The following NBAS variants were observed in gnomAD, a reference collection of about 807,000 sequenced individuals.
The protein encoded by NBAS is NBAS subunit of NRZ tethering complex.
In NBAS, 219 loss-of-function variants were observed where a neutral mutation model predicts 302.5. The ratio of observed to expected loss-of-function variants is 0.72; its 90% CI spans 0.65 to 0.81. The LOEUF (loss-of-function observed/expected upper bound fraction) is 0.81. Ranked by LOEUF, NBAS falls within the 30% of genes least tolerant of loss-of-function variation. NBAS has a pLI of 0.00. For missense variants in NBAS, 2,932 were observed against 2,841.6 expected (o/e 1.03, Z -0.72); for synonymous variants, 1,118 against 1,021.6 (o/e 1.09, Z -1.80).
At chr2:14,982,977 C>A in the NBAS span, among the ~76,000 whole-genome samples, 2 of 152,042 alleles carry the variant, frequency 1.3e-5, no homozygotes. Flanking sequence ...GAACCAGGTA[C>A]GGGAGGAGTA....
At chr2:14,880,271 T>A in the NBAS span, among the ~76,000 whole-genome samples, 1 of 152,108 alleles carries the variant, frequency 6.6e-6, no homozygotes, top group Non-Finnish European at 1.5e-5. Context: ...CTAAGACCTT[T>A]TAGGATGAAC....
At chr2:15,247,460 G>C (rs1242615049) in intron 44 of NBAS, among the ~76,000 whole-genome samples, 2 of 152,188 alleles carry the variant, frequency 1.3e-5, no homozygotes, top group South Asian at 4.2e-4. Context: ...TGAAAGTCAA[G>C]AGCCATCGGT....
At chr2:15,194,945 G>A (rs1665547329) in intron 48 of NBAS, among the ~76,000 whole-genome samples, 1 of 151,986 alleles carries the variant, frequency 6.6e-6, no homozygotes, top group African/African-American at 2.4e-5. Context: ...TGTCTATATA[G>A]AAAATTCAAA....
chr2:15,393,033 G>T (rs1028248587), intron 28 of NBAS, among the ~76,000 whole-genome samples: 1 of 151,822 alleles, frequency 6.6e-6, no homozygotes, highest in Non-Finnish European at 1.5e-5. Flanking sequence ...TTTAACAAAT[G>T]GTGAGGAATA....
intron 44 of NBAS, among the ~76,000 whole-genome samples, chr2:15,272,520 A>G (rs1428483941): frequency 1.3e-5 from 2 of 152,098 alleles, no homozygotes. Context: ...TCAAACATGC[A>G]TTTTTTCCAA....
chr2:15,554,222 G>T, intron 3 of NBAS, 84 bp from the exon 4 acceptor site: 2 of 1,102,460 alleles, frequency 1.8e-6, no homozygotes, highest in African/African-American at 1.6e-5. Flanking sequence ...TACTTATAGA[G>T]AGAGACACAG....
At chr2:14,783,084 T>G in the NBAS span, among the ~76,000 whole-genome samples, 1 of 151,982 alleles carries the variant, frequency 6.6e-6, no homozygotes, top group African/African-American at 2.4e-5. Context: ...ATAACAAACC[T>G]GCACATGTAC....
intron 48 of NBAS, among the ~76,000 whole-genome samples, chr2:15,209,993 A>T (rs1271649870): frequency 2.0e-5 from 3 of 152,178 alleles, no homozygotes; most frequent in Non-Finnish European, 2.9e-5. Context: ...TTAAAGACTT[A>T]ACTCTAAGAC....
intron 40 of NBAS, among the ~76,000 whole-genome samples, chr2:15,306,549 A>T (rs1671041465): frequency 6.6e-6 from 1 of 152,194 alleles, no homozygotes; most frequent in African/African-American, 2.4e-5. Context: ...CCTAGTTCTT[A>T]GATATGATTT....
At chr2:14,904,183 T>C in the NBAS span, among the ~76,000 whole-genome samples, 1 of 152,180 alleles carries the variant, frequency 6.6e-6, no homozygotes, top group Admixed American at 6.5e-5. Context: ...TAAATGTACA[T>C]ATGAAAGGGA....
intron 32 of NBAS, among the ~76,000 whole-genome samples, chr2:15,360,341 A>C (rs77316143): frequency 0.046 from 5,550 of 120,786 alleles, 180 homozygotes; most frequent in Middle Eastern, 0.1. Context: ...AAAAAAAAAA[A>C]AAAAACAAAA....
chr2:15,331,789 T>C (rs1672364462), intron 35 of NBAS, among the ~76,000 whole-genome samples: 1 of 152,218 alleles, frequency 6.6e-6, no homozygotes, highest in Non-Finnish European at 1.5e-5. Context: ...ATGATAGCCA[T>C]ATCCTAATCC....
At chr2:15,221,284 G>C (rs906663002) in intron 47 of NBAS, among the ~76,000 whole-genome samples, 12 of 152,114 alleles carry the variant, frequency 7.9e-5, no homozygotes, top group African/African-American at 2.9e-4. Context: ...ATCCTTCCCA[G>C]GTTATACTGA....
At chr2:14,844,663 G>A in the NBAS span, among the ~76,000 whole-genome samples, 1 of 152,124 alleles carries the variant, frequency 6.6e-6, no homozygotes, top group Non-Finnish European at 1.5e-5. Flanking sequence ...GGGTCAGATG[G>A]GAGCCCACTG....
At chr2:15,310,504 C>T (rs1572633448) in intron 38 of NBAS, among the ~76,000 whole-genome samples, 1 of 152,204 alleles carries the variant, frequency 6.6e-6, no homozygotes, top group East Asian at 1.9e-4. Context: ...TCAACAAGAA[C>T]CTTCTTTGAA....
chr2:15,311,523 A>G (rs1002569639), intron 38 of NBAS, among the ~76,000 whole-genome samples: 1 of 152,232 alleles, frequency 6.6e-6, no homozygotes, highest in African/African-American at 2.4e-5. Flanking sequence ...ACAGTGCAAC[A>G]GAGACAATTA....
chr2:15,340,169 G>C (rs1672779841), intron 35 of NBAS, among the ~76,000 whole-genome samples: 1 of 152,130 alleles, frequency 6.6e-6, no homozygotes, highest in Non-Finnish European at 1.5e-5. Flanking sequence ...GTTGACCATT[G>C]ACTATAGCAA....
At chr2:14,881,158 A>T in the NBAS span, among the ~76,000 whole-genome samples, 1 of 152,198 alleles carries the variant, frequency 6.6e-6, no homozygotes, top group South Asian at 2.1e-4. Flanking sequence ...ATGCAGCCAT[A>T]AAAATAATGA....
intron 9 of NBAS, among the ~76,000 whole-genome samples, chr2:15,513,640 C>T (rs1221429053): frequency 1.3e-5 from 2 of 149,132 alleles, no homozygotes; most frequent in Non-Finnish European, 3.0e-5. Flanking sequence ...CACACATAAT[C>T]AAAGCAAAAG....
Sources: gnomAD v4.1 joint callset for allele counts (sites outside exome capture counted in the v4.1 genomes callset) on GRCh38, gnomAD v4.1.1 for gene constraint, MANE v1.5 for transcripts, NCBI Gene and HGNC (gene_info 2026-07-23, HGNC 2026-07-21) for gene names.